TYW1: variants seen among roughly 807,000 people sequenced by gnomAD.
The protein encoded by TYW1 is tRNA-yW synthesizing protein 1 homolog.
A neutral mutation model predicts 96.2 loss-of-function variants in TYW1; 46 were observed. The ratio of observed to expected loss-of-function variants is 0.48; its 90% confidence interval spans 0.38 to 0.61. The LOEUF (loss-of-function observed/expected upper bound fraction) is 0.61. TYW1 is among the 20% of genes least tolerant of loss of function. The pLI is 0.00. For missense variants in TYW1, 684 were observed against 909.6 expected, an observed-to-expected ratio of 0.75 and a Z score of 3.19; for synonymous variants, 274 against 323.0, an observed-to-expected ratio of 0.85 and a Z score of 1.63.
At position 67,236,828 on chromosome 7, in the gene TYW1, CT is replaced by C. The variant is rs112849431; in HGVS notation, c.1978-1472del. 2.6e-3 allele frequency among the ~76,000 whole-genome samples: 401 copies of C among 151,802 alleles called. 3 individuals carry two copies. Among genetic ancestry groups the C allele is most frequent in the African/African-American group, 9.1e-3 (378 of 41,390 alleles). Reference sequence around the variant, plus strand: ...ATTCAGGAACCTATGTATTTTCTTTCTTTTTTTTGTGGCTAGAACAGGAAAT... The same window carrying C: ...ATTCAGGAACCTATGTATTTTCTTTCTTTTTTTGTGGCTAGAACAGGAAAT... On this transcript the variant is annotated intron_variant, in intron 15 of 15. Transcript: ENST00000359626.
intron 10 of TYW1, among the ~76,000 whole-genome samples, chr7:67,082,889 G>A (rs1045692560): frequency 1.3e-5 from 2 of 152,080 alleles, no homozygotes; most frequent in African/African-American, 2.4e-5. Flanking sequence ...GAGATACAGG[G>A]GCTTTGGCTC....
chr7:67,087,956 T>A (rs1026161986), intron 11 of TYW1, among the ~76,000 whole-genome samples: 6 of 152,160 alleles, frequency 3.9e-5, no homozygotes, highest in African/African-American at 1.4e-4. Context: ...CTCTGCCTCC[T>A]GGGCTCAAGT....
chr7:67,160,684 C>T (rs1293871246), intron 13 of TYW1, among the ~76,000 whole-genome samples: 3 of 150,330 alleles, frequency 2.0e-5, no homozygotes, highest in Admixed American at 6.6e-5. Context: ...CTCTGCCTCC[C>T]GGGTTCAAGC....
At chr7:67,195,123 T>C in intron 14 of TYW1, 47 bp from the exon 15 acceptor site, 1 of 1,577,036 alleles carries the variant, frequency 6.3e-7, no homozygotes, top group East Asian at 2.3e-5. Flanking sequence ...TTCTATGACA[T>C]GCAGGTAGGT....
chr7:67,058,095 C>T (rs571819933), intron 9 of TYW1, among the ~76,000 whole-genome samples: 103 of 152,026 alleles, frequency 6.8e-4, no homozygotes, highest in African/African-American at 2.3e-3. Flanking sequence ...CCACCATGCC[C>T]GGCTAATTTT....
chr7:67,202,898 A>T (rs1011902808), intron 15 of TYW1, among the ~76,000 whole-genome samples: 8 of 152,242 alleles, frequency 5.3e-5, no homozygotes, highest in South Asian at 2.1e-4. Context: ...CCCTTCATGT[A>T]GTTTTCCCCA....
Position 67,074,755 on chromosome 7 carries a change from A to G in TYW1, c.1274+7352A>G, listed in dbSNP as rs576710486. Among the ~76,000 whole-genome samples, 99 of 152,304 alleles carry G rather than the reference A, an allele frequency of 6.5e-4. 1 individual carries two copies. The highest frequency in any genetic ancestry group is 6.8e-3 in the Middle Eastern group (2 of 294). Reference sequence around the variant, plus strand: ...CTGAGCCTCAGTTTCTCAACTGTAGAATAAAACAACATACCTTCCTTACAG... The same window carrying G: ...CTGAGCCTCAGTTTCTCAACTGTAGGATAAAACAACATACCTTCCTTACAG... On this transcript the variant is annotated intron_variant, in intron 10 of 15. Coordinates refer to ENST00000359626, the MANE Select transcript of TYW1 (RefSeq NM_018264.4).
At chr7:67,193,533 CA>C (rs1265131957) in intron 14 of TYW1, among the ~76,000 whole-genome samples, 1 of 152,074 alleles carries the variant, frequency 6.6e-6, no homozygotes, top group Non-Finnish European at 1.5e-5. Context: ...CCGAGATGGG[CA>C]GATCAATTGA....
chr7:67,174,552 CA>C (rs1398804063), intron 13 of TYW1, among the ~76,000 whole-genome samples: 2 of 145,754 alleles, frequency 1.4e-5, no homozygotes, highest in Non-Finnish European at 3.0e-5. Flanking sequence ...GGTTAAAAAT[CA>C]ATAAGCTAAA....
At chr7:67,022,523 A>G (rs569705215) in intron 6 of TYW1, among the ~76,000 whole-genome samples, 3 of 152,328 alleles carry the variant, frequency 2.0e-5, no homozygotes, top group South Asian at 2.1e-4. Context: ...ACTTCTTGCA[A>G]TTCTAGGAAA....
chr7:67,051,172 C>T (rs948164029), intron 8 of TYW1, among the ~76,000 whole-genome samples: 2 of 152,156 alleles, frequency 1.3e-5, no homozygotes, highest in African/African-American at 4.8e-5. Flanking sequence ...ACCTGGCCTA[C>T]ACCATACTAC....
At chr7:67,020,202 AG>A (rs548387890) in intron 6 of TYW1, among the ~76,000 whole-genome samples, 94 of 152,386 alleles carry the variant, frequency 6.2e-4, no homozygotes, top group African/African-American at 2.1e-3. Context: ...CAAAATAGTG[AG>A]ACCCTGTTTC....
intron 15 of TYW1, among the ~76,000 whole-genome samples, chr7:67,226,980 C>G (rs1240399638): frequency 6.6e-6 from 1 of 152,186 alleles, no homozygotes; most frequent in Non-Finnish European, 1.5e-5. Flanking sequence ...TAATAATTGA[C>G]ACTAAGATCA....
At chr7:67,025,282 C>T (rs1360549278) in intron 7 of TYW1, among the ~76,000 whole-genome samples, 1 of 151,642 alleles carries the variant, frequency 6.6e-6, no homozygotes, top group African/African-American at 2.4e-5. Context: ...TTGGGGGTGT[C>T]CAATCTTTTG....
At chr7:67,053,983 C>T (rs1795437711) in intron 8 of TYW1, among the ~76,000 whole-genome samples, 1 of 152,206 alleles carries the variant, frequency 6.6e-6, no homozygotes. Flanking sequence ...CTCTTTGCTA[C>T]ATGGCCTGGA....
chr7:67,188,809 GC>G (rs1800110340), intron 14 of TYW1, among the ~76,000 whole-genome samples: 2 of 152,008 alleles, frequency 1.3e-5, no homozygotes, highest in Non-Finnish European at 2.9e-5. Flanking sequence ...ATACAAATTG[GC>G]CCTAGATTCA....
chr7:67,182,911 A>G (rs958709120), intron 13 of TYW1, among the ~76,000 whole-genome samples: 59 of 151,608 alleles, frequency 3.9e-4, no homozygotes, highest in African/African-American at 1.4e-3. Context: ...GAAAATAAAT[A>G]TGTCAGTATC....
intron 7 of TYW1, among the ~76,000 whole-genome samples, chr7:67,049,393 T>G (rs954049794): frequency 6.6e-6 from 1 of 152,194 alleles, no homozygotes; most frequent in Non-Finnish European, 1.5e-5. Context: ...GGTTTTTGGA[T>G]ATGTATGTTT....
At chr7:67,009,447 T>C in intron 3 of TYW1, 136 bp from the exon 4 acceptor site, 1 of 704,650 alleles carries the variant, frequency 1.4e-6, no homozygotes, top group South Asian at 1.8e-5. Context: ...GGATAGAATT[T>C]GTGTTCATGA....
Sources: gnomAD v4.1 joint callset for allele counts (sites outside exome capture counted in the v4.1 genomes callset) on GRCh38, gnomAD v4.1.1 for gene constraint, MANE v1.5 for transcripts, NCBI Gene and HGNC (gene_info 2026-07-23, HGNC 2026-07-21) for gene names.